The following GNS variants were observed in gnomAD, a reference collection of about 807,000 sequenced individuals.
GNS encodes N-acetylglucosamine-6-sulfatase.
A neutral mutation model predicts 69.7 loss-of-function variants in GNS; 40 were observed. That is an observed-to-expected ratio of 0.57 (90% confidence interval 0.45 to 0.75). GNS has a LOEUF of 0.75. Ranked by LOEUF, GNS falls within the 30% of genes least tolerant of loss-of-function variation. The pLI, the probability that GNS is intolerant of heterozygous loss-of-function variation, is 0.00. For missense variants in GNS, 565 were observed against 685.5 expected (o/e 0.82, Z 1.96); for synonymous variants, 243 against 251.6 (o/e 0.97, Z 0.32).
chr12:64,759,081 T>A lies in GNS; in HGVS notation c.192+4A>T. On this transcript the variant is annotated splice_donor_region_variant and intron_variant, in intron 1 of 13. Coordinates refer to ENST00000258145, the MANE Select transcript of GNS (RefSeq NM_002076.4). ...GAGGGGCGGGGCAGAAACAGAAGAG[T>A]TACCATGCCGCCGAGCACTTCGTCC... 1 of 1,556,190 alleles carries A rather than the reference T, an allele frequency of 6.4e-7. No individual in the cohort carries two copies. The highest frequency in any genetic ancestry group is 8.7e-7 in the Non-Finnish European group (1 of 1,149,720).
intron 9 of GNS, among the ~76,000 whole-genome samples, chr12:64,733,467 C>A (rs188273251): frequency 6.6e-6 from 1 of 152,264 alleles, no homozygotes; most frequent in African/African-American, 2.4e-5. Context: ...GACACCCAAA[C>A]CCTGATGTTG....
At chr12:64,733,901 T>C (rs1869481696) in intron 9 of GNS, among the ~76,000 whole-genome samples, 1 of 150,014 alleles carries the variant, frequency 6.7e-6, no homozygotes, top group Admixed American at 6.6e-5. Flanking sequence ...CAATAGTCAA[T>C]CTTTGACATC....
chr12:64,752,866 G>T (rs1870123376), intron 1 of GNS, 109 bp from the exon 2 acceptor site: 4 of 720,652 alleles, frequency 5.6e-6, no homozygotes, highest in Non-Finnish European at 7.5e-6. Flanking sequence ...TTCCCAAATG[G>T]TCAGCTCTAA....
At chr12:64,735,896 G>A (rs562189134) in intron 9 of GNS, among the ~76,000 whole-genome samples, 4 of 152,330 alleles carry the variant, frequency 2.6e-5, no homozygotes, top group South Asian at 2.1e-4. Flanking sequence ...ACCCTTCCAA[G>A]AGAATTTTAA....
chr12:64,751,861 G>T (rs1471625750), intron 2 of GNS, among the ~76,000 whole-genome samples: 1 of 150,490 alleles, frequency 6.6e-6, no homozygotes, highest in Admixed American at 6.7e-5. Flanking sequence ...GGTGGTGGGT[G>T]CCTGTAATCT....
chr12:64,726,281 C>T (rs1869196634), intron 10 of GNS, among the ~76,000 whole-genome samples: 2 of 150,800 alleles, frequency 1.3e-5, no homozygotes, highest in African/African-American at 2.4e-5. Flanking sequence ...CATATTGGCA[C>T]AGGGATGGAC....
intron 11 of GNS, among the ~76,000 whole-genome samples, chr12:64,722,028 C>CT (rs879925471): frequency 1.5e-3 from 209 of 143,218 alleles, no homozygotes; most frequent in African/African-American, 2.1e-3. Flanking sequence ...TGACTCCTTT[C>CT]TTTTTTTTTT....
intron 9 of GNS, among the ~76,000 whole-genome samples, chr12:64,732,443 C>T (rs1422501498): frequency 1.3e-5 from 2 of 150,256 alleles, no homozygotes; most frequent in South Asian, 2.1e-4. Context: ...GCTGGGATTA[C>T]AGGTGTGAAC....
intron 8 of GNS, among the ~76,000 whole-genome samples, chr12:64,737,927 GACCC>G (rs1380152513): frequency 6.6e-6 from 1 of 152,064 alleles, no homozygotes; most frequent in Non-Finnish European, 1.5e-5. Context: ...GATGGACAAA[GACCC>G]ACTTCTCCCT....
intron 3 of GNS, 143 bp downstream of exon 3, chr12:64,747,569 G>A (rs112885278): frequency 9.3e-6 from 6 of 646,542 alleles, no homozygotes; most frequent in African/African-American, 7.3e-5. Context: ...TACATGATAT[G>A]GGTACTTGTT....
At chr12:64,758,597 A>T (rs1870352950) in intron 1 of GNS, among the ~76,000 whole-genome samples, 1 of 152,116 alleles carries the variant, frequency 6.6e-6, no homozygotes, top group East Asian at 1.9e-4. Context: ...TGCTGGGATT[A>T]CATGAGTGAC....
Position 64,759,398 on chromosome 12 carries a change from G to C in GNS, c.-122C>G, listed in dbSNP as rs899980156. On this transcript the variant is annotated 5_prime_UTR_variant, in exon 1 of 14. Transcript: ENST00000258145. ...GCCGTGCCTTGAAGGCCGGTGGCTGGAGTCAGACGTTTTCTCCCTAGGCGC... is the reference window on the plus strand; with the variant it reads ...GCCGTGCCTTGAAGGCCGGTGGCTGCAGTCAGACGTTTTCTCCCTAGGCGC... The C allele has an allele frequency of 3.6e-5, 24 of 668,818 alleles. No individual in the cohort carries two copies. The highest frequency in any genetic ancestry group is 4.1e-4 in the Middle Eastern group (1 of 2,416). 41.4% of individuals were successfully genotyped at this position (668,818 alleles called of 1,614,324 possible).
At chr12:64,728,821 A>G in intron 10 of GNS, 135 bp downstream of exon 10, 2 of 650,356 alleles carry the variant, frequency 3.1e-6, no homozygotes, top group South Asian at 3.6e-5. Flanking sequence ...TTTATTTTAG[A>G]AAACTCCTTC....
intron 9 of GNS, 84 bp from the exon 10 acceptor site, chr12:64,729,141 C>G (rs1006352931): frequency 1.3e-6 from 1 of 775,790 alleles, no homozygotes; most frequent in Admixed American, 1.9e-5. Context: ...CTTCCCCCCA[C>G]CCCGCCCATG....
intron 1 of GNS, among the ~76,000 whole-genome samples, chr12:64,754,437 T>C (rs1164620582): frequency 2.6e-5 from 4 of 151,932 alleles, no homozygotes; most frequent in Non-Finnish European, 5.9e-5. Flanking sequence ...GCTGGGTATA[T>C]AGCAAGTACA....
At chr12:64,729,828 C>T (rs1869325675) in intron 9 of GNS, among the ~76,000 whole-genome samples, 1 of 152,152 alleles carries the variant, frequency 6.6e-6, no homozygotes, top group Non-Finnish European at 1.5e-5. Flanking sequence ...TTAATAAAAA[C>T]AGGTAAAACT....
chr12:64,749,284 G>A (rs577318557), intron 2 of GNS, among the ~76,000 whole-genome samples: 31 of 108,008 alleles, frequency 2.9e-4, no homozygotes, highest in South Asian at 1.2e-3. Context: ...ACACATTCTC[G>A]CTCTATTGCC....
chr12:64,747,914 A>C lies in GNS; in HGVS notation c.257T>G (p.Val86Gly). 1 of 1,580,416 alleles carries C rather than the reference A, an allele frequency of 6.3e-7. No individual in the cohort carries two copies. The highest frequency in any genetic ancestry group is 8.7e-7 in the Non-Finnish European group (1 of 1,149,160). The stretch of plus-strand genomic sequence containing the variant: ...GCTGGGGCAGCAGAGAGCACTTGGC[A>C]CATACTACAAAGGAAAGGAAGCAAA... ...EMGMTFSSAY[V>G]PSALCCPSRA... The change falls in exon 3 of 14, where the codon GTG (valine) becomes GGG (glycine). Residue 86 changes from valine (V) to glycine (G), a missense_variant. Physicochemically the swap from Val to Gly is moderately radical, Grantham distance 109. Transcript: ENST00000258145.
At chr12:64,744,744 CAG>C in intron 5 of GNS, 63 bp downstream of exon 5, 1 of 807,830 alleles carries the variant, frequency 1.2e-6, no homozygotes, top group Non-Finnish European at 2.3e-6. Flanking sequence ...GTTTTCTAGG[CAG>C]AGTCTTCAAT....
Sources: gnomAD v4.1 joint callset for allele counts (sites outside exome capture counted in the v4.1 genomes callset) on GRCh38, gnomAD v4.1.1 for gene constraint, MANE v1.5 for transcripts, NCBI Gene and HGNC (gene_info 2026-07-23, HGNC 2026-07-21) for gene names.